FNDC3B: variants seen among roughly 807,000 people sequenced by gnomAD.
The protein encoded by FNDC3B is fibronectin type III domain-containing protein 3B.
FNDC3B carries 12 observed loss-of-function variants against 151.5 expected under a neutral mutation model. The ratio of observed to expected loss-of-function variants is 0.08; its 90% CI spans 0.05 to 0.13. The LOEUF (loss-of-function observed/expected upper bound fraction) is 0.13. Among genes scored for constraint, FNDC3B ranks in the 10% least tolerant of loss-of-function variants. The probability of loss-of-function intolerance (pLI) is 1.00; values close to 1 mark genes in which losing one functional copy is unlikely to be tolerated. For synonymous variants in FNDC3B, 528 were observed against 549.0 expected (o/e 0.96, Z 0.54); for missense variants, 1,214 against 1,505.3 (o/e 0.81, Z 3.20).
intron 3 of FNDC3B, among the ~76,000 whole-genome samples, chr3:172,146,315 C>A (rs1721905881): frequency 6.6e-6 from 1 of 152,116 alleles, no homozygotes; most frequent in Non-Finnish European, 1.5e-5. Context: ...AAGGACATGT[C>A]TAACATCTCA....
intron 21 of FNDC3B, among the ~76,000 whole-genome samples, chr3:172,349,056 T>G (rs1360095588): frequency 6.6e-6 from 1 of 151,930 alleles, no homozygotes; most frequent in Non-Finnish European, 1.5e-5. Context: ...TGTAGGAGGC[T>G]GAGGCCGGCT....
At chr3:172,187,020 T>C (rs1482026607) in intron 3 of FNDC3B, 4 of 359,766 alleles carry the variant, frequency 1.1e-5, no homozygotes, top group African/African-American at 8.4e-5. Context: ...ATGATGATGC[T>C]TATTAGTCCA....
At chr3:172,353,523 G>A (rs1423977263) in intron 22 of FNDC3B, among the ~76,000 whole-genome samples, 1 of 152,184 alleles carries the variant, frequency 6.6e-6, no homozygotes, top group Non-Finnish European at 1.5e-5. Flanking sequence ...ACAACCTATA[G>A]TTGTTTAATG....
intron 16 of FNDC3B, 39 bp from the exon 17 acceptor site, chr3:172,341,074 A>T (rs1733290343): frequency 7.4e-7 from 1 of 1,358,994 alleles, no homozygotes; most frequent in Admixed American, 1.7e-5. Context: ...CTACATTTTT[A>T]CAAGAGGCAT....
At chr3:172,178,202 A>C (rs565219312) in intron 3 of FNDC3B, among the ~76,000 whole-genome samples, 1 of 152,196 alleles carries the variant, frequency 6.6e-6, no homozygotes, top group Admixed American at 6.5e-5. Context: ...CCTAGTGCTG[A>C]TGGCCACAGT....
intron 23 of FNDC3B, among the ~76,000 whole-genome samples, chr3:172,376,351 T>C (rs531849676): frequency 5.3e-5 from 8 of 152,350 alleles, no homozygotes; most frequent in Non-Finnish European, 8.8e-5. Context: ...ATTGAACTTA[T>C]TTTCCAAAAG....
chr3:172,157,761 A>G (rs1002886126), intron 3 of FNDC3B, among the ~76,000 whole-genome samples: 7 of 152,234 alleles, frequency 4.6e-5, no homozygotes, highest in Non-Finnish European at 8.8e-5. Context: ...CATATACATG[A>G]ATCAGTGTAA....
At chr3:172,345,433 A>G (rs1275945159) in intron 19 of FNDC3B, among the ~76,000 whole-genome samples, 1 of 152,176 alleles carries the variant, frequency 6.6e-6, no homozygotes, top group Non-Finnish European at 1.5e-5. Flanking sequence ...GATTTATCCT[A>G]TAAAGAAACT....
intron 1 of FNDC3B, among the ~76,000 whole-genome samples, chr3:172,049,094 A>G (rs1716506262): frequency 6.6e-6 from 1 of 152,232 alleles, no homozygotes; most frequent in East Asian, 1.9e-4. Flanking sequence ...AATGCAGAAA[A>G]TGGTAAATTT....
chr3:172,383,732 G>A (rs1464523312), intron 25 of FNDC3B, among the ~76,000 whole-genome samples: 6 of 152,188 alleles, frequency 3.9e-5, no homozygotes, highest in Non-Finnish European at 8.8e-5. Context: ...AATATAGCCA[G>A]ATAAGAAATT....
chr3:172,096,295 A>C (rs1374126533), intron 1 of FNDC3B, among the ~76,000 whole-genome samples: 2 of 152,254 alleles, frequency 1.3e-5, no homozygotes, highest in Non-Finnish European at 2.9e-5. Flanking sequence ...AGAAACTTGC[A>C]TACCTATAAA....
intron 25 of FNDC3B, among the ~76,000 whole-genome samples, chr3:172,390,603 C>T (rs7647443): frequency 0.26 from 38,655 of 151,244 alleles, 4,982 homozygotes; most frequent in Middle Eastern, 0.37. Context: ...GTGATCCTCC[C>T]GCTGAGCCCA....
chr3:172,177,122 T>G (rs1159321664), intron 3 of FNDC3B, among the ~76,000 whole-genome samples: 1 of 152,188 alleles, frequency 6.6e-6, no homozygotes, highest in African/African-American at 2.4e-5. Flanking sequence ...GTTCTGAAAC[T>G]GACTTAACAG....
intron 6 of FNDC3B, among the ~76,000 whole-genome samples, chr3:172,268,114 T>C (rs766321224): frequency 4.6e-5 from 7 of 152,228 alleles, no homozygotes; most frequent in Non-Finnish European, 1.0e-4. Flanking sequence ...TGAAAAGACA[T>C]AGAAGATTTT....
rs1728057030 is a variant in FNDC3B at position 172,251,343 on chromosome 3, C to T, written c.592C>T (p.Arg198Cys). Residue 198 changes from arginine (R) to cysteine (C), a missense_variant, in exon 6 of 26, where the codon CGC (arginine) becomes TGC (cysteine). Arg to Cys is a radical substitution (Grantham distance 180). Around this residue, in one of 7 missense-constraint regions of FNDC3B, gnomAD observed 166 missense variants for 173.2 expected, o/e 0.96. Transcript: ENST00000415807. ...GCCTCCGCACAAAAAACTGAAAGACCGCCAGATCGATCGCCAGAACCGCCT... is the reference window on the plus strand; with the variant it reads ...GCCTCCGCACAAAAAACTGAAAGACTGCCAGATCGATCGCCAGAACCGCCT... Reference protein sequence around the residue: ...SKPPHKKLKDRQIDRQNRLNS... With the variant: ...SKPPHKKLKDCQIDRQNRLNS... The T allele has an allele frequency of 6.2e-7, 1 of 1,613,880 alleles. No homozygotes were observed. The highest frequency in any genetic ancestry group is 1.7e-5 in the Admixed American group (1 of 59,984).
At chr3:172,330,259 A>G (rs114541928) in intron 12 of FNDC3B, 237 of 290,156 alleles carry the variant, frequency 8.2e-4, no homozygotes, top group African/African-American at 4.9e-3. Flanking sequence ...CCCACACGTC[A>G]CTTCATTCAC....
chr3:172,064,930 A>G (rs926706327), intron 1 of FNDC3B, among the ~76,000 whole-genome samples: 23 of 152,234 alleles, frequency 1.5e-4, no homozygotes, highest in African/African-American at 5.1e-4. Context: ...CACCAACTTA[A>G]TGGGTCCCCA....
chr3:172,072,663 C>T (rs764418880), intron 1 of FNDC3B, among the ~76,000 whole-genome samples: 2 of 152,164 alleles, frequency 1.3e-5, no homozygotes, highest in East Asian at 1.9e-4. Context: ...AGTCCAGCTT[C>T]TTGGTCAAGC....
chr3:172,217,973 G>A (rs545562766), intron 3 of FNDC3B, among the ~76,000 whole-genome samples: 3 of 152,036 alleles, frequency 2.0e-5, no homozygotes, highest in Non-Finnish European at 4.4e-5. Context: ...CTCAGTTTTG[G>A]TTCTTGGTAG....
Sources: gnomAD v4.1 joint callset for allele counts (sites outside exome capture counted in the v4.1 genomes callset) on GRCh38, gnomAD v4.1.1 for gene constraint, gnomAD v4.1.1 regional missense constraint, MANE v1.5 for transcripts, NCBI Gene and HGNC (gene_info 2026-07-23, HGNC 2026-07-21) for gene names.